The following CBR4 variants were observed in gnomAD, a reference collection of about 807,000 sequenced individuals.
The protein encoded by CBR4 is carbonyl reductase 4, also known as 3-oxoacyl-[acyl-carrier-protein] reductase.
Under a neutral mutation model 21.0 loss-of-function variants are expected in CBR4, and 22 were observed. The observed-to-expected ratio is 1.05, with a 90% CI of 0.75 to 1.50. CBR4 has a LOEUF of 1.50. Ranked by LOEUF, CBR4 falls within the 40% of genes most tolerant of loss-of-function variation. The pLI is 0.00. For missense variants in CBR4, 302 were observed against 286.3 expected (o/e 1.05, Z -0.40); for synonymous variants, 100 against 104.4 (o/e 0.96, Z 0.26).
At chr4:169,007,359 AG>A (rs1210689862) in intron 2 of CBR4, among the ~76,000 whole-genome samples, 1 of 152,240 alleles carries the variant, frequency 6.6e-6, no homozygotes, top group Non-Finnish European at 1.5e-5. Context: ...GTTACCAACA[AG>A]GAAGTATTGA....
intron 2 of CBR4, among the ~76,000 whole-genome samples, chr4:168,896,830 T>G (rs1307670687): frequency 1.3e-5 from 2 of 152,052 alleles, no homozygotes; most frequent in African/African-American, 2.4e-5. Flanking sequence ...ATGTATTTAT[T>G]TATTTATTTA....
At chr4:168,991,491 G>A (rs17615264) in intron 4 of CBR4, among the ~76,000 whole-genome samples, 7,773 of 152,144 alleles carry the variant, frequency 0.051, 260 homozygotes, top group Middle Eastern at 0.075. Flanking sequence ...AAAATCTTAC[G>A]GTCATATCCA....
Position 168,974,096 on chromosome 4 carries a change from A to C in CBR4, n.169+27975T>G, listed in dbSNP as rs558479432. Among the ~76,000 whole-genome samples the C allele has an allele frequency of 9.0e-4, 137 of 152,250 alleles. 1 individual carries two copies. Among genetic ancestry groups the C allele is most frequent in the Non-Finnish European group, 1.4e-3 (94 of 68,020 alleles). Reference sequence around the variant, plus strand: ...TTCAAGATTTAGGACTCCTTTCAGCATTTCTTGTAATGCTGGCTTGGTAGT... The same window carrying C: ...TTCAAGATTTAGGACTCCTTTCAGCCTTTCTTGTAATGCTGGCTTGGTAGT... On this transcript the variant is annotated intron_variant and non_coding_transcript_variant, in intron 2 of 3. Coordinates refer to the CBR4 transcript ENST00000509108.
At chr4:168,900,948 T>C (rs1018844684) in intron 2 of CBR4, among the ~76,000 whole-genome samples, 5 of 152,232 alleles carry the variant, frequency 3.3e-5, no homozygotes, top group African/African-American at 1.2e-4. Flanking sequence ...CTGATCAAAT[T>C]CTAAGATTAT....
chr4:168,934,407 G>T (rs865986494), intron 2 of CBR4, among the ~76,000 whole-genome samples: 51 of 150,788 alleles, frequency 3.4e-4, no homozygotes, highest in African/African-American at 1.2e-3. Flanking sequence ...CAAAAAGTTG[G>T]TTTTTTGAAA....
At chr4:168,960,094 T>C (rs1531254) in intron 2 of CBR4, among the ~76,000 whole-genome samples, 105,957 of 152,034 alleles carry the variant, frequency 0.7, 38,330 homozygotes, top group East Asian at 0.96. Flanking sequence ...AGTGTTATGG[T>C]TTTTAATGCT....
downstream of CBR4, among the ~76,000 whole-genome samples, chr4:168,985,114 C>T (rs1313264474): frequency 6.6e-6 from 1 of 152,046 alleles, no homozygotes; most frequent in African/African-American, 2.4e-5. Flanking sequence ...AACAGACAAC[C>T]TACAAAATGG....
At chr4:168,996,270 C>T (rs1423105915) in intron 4 of CBR4, among the ~76,000 whole-genome samples, 4 of 152,136 alleles carry the variant, frequency 2.6e-5, no homozygotes, top group Admixed American at 6.5e-5. Context: ...CTATGGAGGA[C>T]ATGAACATGT....
Position 168,988,756 on chromosome 4 carries a change from T to G in CBR4, c.*1394A>C, listed in dbSNP as rs2126800856. 1 of 961,856 alleles carries G rather than the reference T, an allele frequency of 1.0e-6. No individual in the cohort carries two copies. The highest frequency in any genetic ancestry group is 1.8e-5 in the African/African-American group (1 of 56,844). 59.6% of individuals were successfully genotyped at this position (961,856 alleles called of 1,614,324 possible). A position where few individuals can be genotyped will look rare whatever the true frequency, so the allele number is the denominator to read the frequency against. On this transcript the variant is annotated 3_prime_UTR_variant, in exon 5 of 5. Coordinates refer to ENST00000306193, the MANE Select transcript of CBR4 (RefSeq NM_032783.5). ...TATCCTGAGATTAATCTAAGAAAACTATTTCAAAGATAAATTTAAAATAAT... is the reference window on the plus strand; with the variant it reads ...TATCCTGAGATTAATCTAAGAAAACGATTTCAAAGATAAATTTAAAATAAT...
At chr4:168,962,527 G>A (rs1049461383) in intron 2 of CBR4, among the ~76,000 whole-genome samples, 4 of 152,192 alleles carry the variant, frequency 2.6e-5, no homozygotes, top group Admixed American at 2.6e-4. Flanking sequence ...CTAAATAATT[G>A]AGAGTGAATA....
At chr4:168,934,386 C>A (rs1763053737) in intron 2 of CBR4, among the ~76,000 whole-genome samples, 2 of 121,344 alleles carry the variant, frequency 1.6e-5, no homozygotes, top group African/African-American at 6.2e-5. Flanking sequence ...TTTAAAAATA[C>A]AAAAGATCAA....
At chr4:168,896,500 C>A (rs1473985594) in intron 2 of CBR4, 2 of 1,066,210 alleles carry the variant, frequency 1.9e-6, no homozygotes, top group Admixed American at 2.0e-5. Context: ...TTGCTGCATT[C>A]TTATTATTTC....
chr4:168,959,808 C>T (rs1455712378), intron 2 of CBR4, among the ~76,000 whole-genome samples: 1 of 151,036 alleles, frequency 6.6e-6, no homozygotes, highest in Non-Finnish European at 1.5e-5. Context: ...CGTAATCCAC[C>T]TGCCTCGGCC....
At chr4:169,009,862 C>A (rs1731258188) in intron 1 of CBR4, 86 bp downstream of exon 1, 2 of 1,328,376 alleles carry the variant, frequency 1.5e-6, no homozygotes, top group South Asian at 2.8e-5. Context: ...GCCCTAAAGG[C>A]CAGACCCGCT....
At chr4:168,960,326 C>T (rs984510518) in intron 2 of CBR4, among the ~76,000 whole-genome samples, 1 of 152,012 alleles carries the variant, frequency 6.6e-6, no homozygotes, top group African/African-American at 2.4e-5. Flanking sequence ...TTTGAAAGTA[C>T]CAAAACAAGG....
chr4:168,974,158 CTT>C (rs1444107313), intron 2 of CBR4, among the ~76,000 whole-genome samples: 10 of 152,176 alleles, frequency 6.6e-5, no homozygotes, highest in East Asian at 5.8e-4. Flanking sequence ...CTGAAAAAGA[CTT>C]TATCTCTCTT....
chr4:168,907,117 G>GGAT (rs1470068081), intron 2 of CBR4, among the ~76,000 whole-genome samples: 1 of 151,240 alleles, frequency 6.6e-6, no homozygotes, highest in South Asian at 2.1e-4. Flanking sequence ...CGTAAAATGA[G>GGAT]GATGATAATA....
At chr4:168,978,246 G>T (rs1002342210) in intron 2 of CBR4, among the ~76,000 whole-genome samples, 1 of 152,140 alleles carries the variant, frequency 6.6e-6, no homozygotes, top group Non-Finnish European at 1.5e-5. Flanking sequence ...AGGCTTTACA[G>T]TCAGCCCTCT....
intron 2 of CBR4, chr4:168,898,034 TA>T (rs1296203002): frequency 1.3e-5 from 2 of 153,786 alleles, no homozygotes; most frequent in African/African-American, 4.8e-5. Context: ...TTTTTTCTAT[TA>T]TTCTTTTACT....
Sources: gnomAD v4.1 joint callset for allele counts (sites outside exome capture counted in the v4.1 genomes callset) on GRCh38, gnomAD v4.1.1 for gene constraint, MANE v1.5 for transcripts, NCBI Gene and HGNC (gene_info 2026-07-23, HGNC 2026-07-21) for gene names.